Variants in C1GALT1 observed in about 807,000 individuals in gnomAD.
C1GALT1 encodes the protein glycoprotein-N-acetylgalactosamine 3-beta-galactosyltransferase 1.
Under a neutral mutation model 31.0 loss-of-function variants are expected in C1GALT1, and 11 were observed. That is an observed-to-expected ratio of 0.36 (90% confidence interval 0.22 to 0.59). The LOEUF (loss-of-function observed/expected upper bound fraction) is 0.59, where lower values mean the gene tolerates loss of function less well. C1GALT1 is among the 20% of genes least tolerant of loss of function. C1GALT1 has a pLI of 0.79. For synonymous variants in C1GALT1, 175 were observed against 143.6 expected (o/e 1.22, Z -1.56); for missense variants, 424 against 425.2 (o/e 1.00, Z 0.03).
At chr7:7,171,507 T>A (rs1196142255) in intron 2 of C1GALT1, among the ~76,000 whole-genome samples, 1 of 152,128 alleles carries the variant, frequency 6.6e-6, no homozygotes, top group Non-Finnish European at 1.5e-5. Context: ...AAATCTAAAG[T>A]GAATCTCTTA....
At chr7:7,220,390 C>A (rs1782456534) in intron 1 of C1GALT1, among the ~76,000 whole-genome samples, 1 of 152,212 alleles carries the variant, frequency 6.6e-6, no homozygotes, top group Admixed American at 6.5e-5. Flanking sequence ...TCTGAAACTT[C>A]TCCCAGTCCC....
intron 3 of C1GALT1, among the ~76,000 whole-genome samples, chr7:7,239,307 C>A (rs1783515812): frequency 6.6e-6 from 1 of 152,152 alleles, no homozygotes; most frequent in South Asian, 2.1e-4. Flanking sequence ...TGGAGAGTGA[C>A]CCAGAGTGGG....
At chr7:7,203,253 G>A (rs544530151) in intron 1 of C1GALT1, among the ~76,000 whole-genome samples, 2 of 152,186 alleles carry the variant, frequency 1.3e-5, no homozygotes, top group South Asian at 4.1e-4. Flanking sequence ...GAATAGAAGT[G>A]ATGAAATCAG....
At chr7:7,218,564 C>T (rs940958202) in intron 1 of C1GALT1, among the ~76,000 whole-genome samples, 1 of 152,036 alleles carries the variant, frequency 6.6e-6, no homozygotes, top group Non-Finnish European at 1.5e-5. Context: ...CTGCTTTGCC[C>T]CCTCATTACA....
At chr7:7,193,322 C>G (rs1781152010) in intron 1 of C1GALT1, among the ~76,000 whole-genome samples, 1 of 151,932 alleles carries the variant, frequency 6.6e-6, no homozygotes, top group Admixed American at 6.6e-5. Flanking sequence ...ATCTTGAGTT[C>G]ATTTTTGTGT....
At chr7:7,166,710 C>T (rs1780396234) in intron 2 of C1GALT1, among the ~76,000 whole-genome samples, 1 of 152,210 alleles carries the variant, frequency 6.6e-6, no homozygotes, top group Non-Finnish European at 1.5e-5. Context: ...ATTGCTTAAT[C>T]TCTAAGACTA....
rs762672813 is a variant in C1GALT1 at position 7,234,298 on chromosome 7, T to TA, written c.-17-4dup. ...ATAACATCCTGCTAATTTTTGTTCT[T>TA]ACAGAAATACACTTTCGGGAAATGG... On this transcript the variant is annotated splice_polypyrimidine_tract_variant and splice_region_variant and intron_variant, in intron 1 of 3. Transcript: ENST00000436587. 1.9e-6 allele frequency: 3 copies of TA among 1,604,364 alleles called. No homozygotes were observed. The Admixed American group carries it at 5.0e-5, about 27-fold the overall frequency.
chr7:7,166,034 G>T (rs976199123), intron 2 of C1GALT1, among the ~76,000 whole-genome samples: 6 of 152,202 alleles, frequency 3.9e-5, no homozygotes, highest in African/African-American at 1.4e-4. Context: ...AAATACTTCT[G>T]GTCCCAGGCA....
At chr7:7,191,707 A>G (rs933003785) in intron 1 of C1GALT1, among the ~76,000 whole-genome samples, 1 of 152,040 alleles carries the variant, frequency 6.6e-6, no homozygotes, top group South Asian at 2.1e-4. Context: ...TGTAGTCTTG[A>G]TTTGTTTTGC....
intron 1 of C1GALT1, among the ~76,000 whole-genome samples, chr7:7,193,199 G>A (rs990831668): frequency 1.3e-5 from 2 of 151,992 alleles, no homozygotes; most frequent in African/African-American, 4.8e-5. Context: ...ATTTGTTTTT[G>A]GGTTCATGGT....
At chr7:7,216,554 C>CGGAGGCAATGTGCTATAGATTGCCT (rs1782253368) in intron 1 of C1GALT1, among the ~76,000 whole-genome samples, 1 of 152,104 alleles carries the variant, frequency 6.6e-6, no homozygotes, top group African/African-American at 2.4e-5. Flanking sequence ...GCTCCTTTAA[C>CGGAGGCAATGTGCTATAGATTGCCT]GGAGGCAATG....
chr7:7,203,019 G>A (rs535891238), intron 1 of C1GALT1, among the ~76,000 whole-genome samples: 2 of 149,464 alleles, frequency 1.3e-5, no homozygotes, highest in East Asian at 2.0e-4. Flanking sequence ...TAGTTAGTGC[G>A]TAAAAATGTA....
chr7:7,223,486 A>G (rs10272173), intron 1 of C1GALT1, among the ~76,000 whole-genome samples: 30,331 of 152,110 alleles, frequency 0.2, 3,298 homozygotes, highest in Middle Eastern at 0.31. Context: ...TTAGTTTTAT[A>G]TGGGAAGAGA....
intron 1 of C1GALT1, among the ~76,000 whole-genome samples, chr7:7,219,968 A>C (rs1255974029): frequency 6.6e-6 from 1 of 152,130 alleles, no homozygotes; most frequent in Non-Finnish European, 1.5e-5. Flanking sequence ...ACATAATTTT[A>C]CCTTGTATTG....
chr7:7,209,986 A>C (rs1781917725), intron 1 of C1GALT1, among the ~76,000 whole-genome samples: 1 of 152,292 alleles, frequency 6.6e-6, no homozygotes, highest in East Asian at 1.9e-4. Flanking sequence ...CTTTTGAGCC[A>C]GGATGAGCCA....
intron 2 of C1GALT1, among the ~76,000 whole-genome samples, chr7:7,164,657 G>T (rs1450652834): frequency 6.6e-6 from 1 of 152,168 alleles, no homozygotes; most frequent in African/African-American, 2.4e-5. Flanking sequence ...GAGGAACTCT[G>T]AAGGTGGAAT....
chr7:7,193,362 C>T (rs758166209), intron 1 of C1GALT1, among the ~76,000 whole-genome samples: 1 of 152,064 alleles, frequency 6.6e-6, no homozygotes, highest in Non-Finnish European at 1.5e-5. Context: ...CAGTTTCATT[C>T]TTCTACATGT....
intron 2 of C1GALT1, among the ~76,000 whole-genome samples, chr7:7,161,038 CTACT>C (rs1382600818): frequency 3.3e-5 from 5 of 152,036 alleles, no homozygotes; most frequent in Non-Finnish European, 7.4e-5. Context: ...ATAATAATGA[CTACT>C]TGTGTAGTCA....
upstream of C1GALT1, chr7:7,182,414 C>T (rs1216275887): frequency 6.6e-6 from 1 of 152,250 alleles, no homozygotes. Context: ...CTTCCCAGAC[C>T]CCTTCGCATT....
Sources: allele counts gnomAD v4.1 joint callset (sites outside exome capture counted in the v4.1 genomes callset), GRCh38; gene constraint gnomAD v4.1.1; transcripts MANE v1.5; gene names NCBI Gene and HGNC (gene_info 2026-07-23, HGNC 2026-07-21).